Variants in VPS9D1 observed in about 807,000 individuals in gnomAD.
VPS9D1 encodes VPS9 domain-containing protein 1.
VPS9D1 carries 78 observed loss-of-function variants against 75.8 expected under a neutral mutation model. The ratio of observed to expected loss-of-function variants is 1.03; its 90% CI spans 0.86 to 1.24. The LOEUF (loss-of-function observed/expected upper bound fraction) is 1.24, where lower values mean the gene tolerates loss of function less well. Ranked by LOEUF, VPS9D1 falls within the 50% of genes most tolerant of loss-of-function variation. The pLI, the probability that VPS9D1 is intolerant of heterozygous loss-of-function variation, is 0.00. For synonymous variants in VPS9D1, 481 were observed against 385.6 expected, an observed-to-expected ratio of 1.25 and a Z score of -2.90; for missense variants, 1,057 against 847.7, an observed-to-expected ratio of 1.25 and a Z score of -3.07.
intron 8 of VPS9D1, 147 bp downstream of exon 8, chr16:89,711,734 CG>C (rs1268038312): frequency 9.9e-7 from 1 of 1,012,034 alleles, no homozygotes; most frequent in Non-Finnish European, 1.4e-6. Flanking sequence ...GCCCCCTCAC[CG>C]GGCCCTCCCA....
chr16:89,709,230 T>C lies in VPS9D1; in HGVS notation c.1594A>G (p.Ile532Val), dbSNP rs775811107. 11 of 1,611,844 alleles carry C rather than the reference T, an allele frequency of 6.8e-6. No homozygotes were observed. Among genetic ancestry groups the C allele is most frequent in the Middle Eastern group, 1.8e-4 (1 of 5,484 alleles). ...ESCPQKKLECIVRTLRIICVC... is the reference protein window; with the variant it reads ...ESCPQKKLECVVRTLRIICVC... ...CCTGACTCTCGAACCTGCTGACCTA[T>C]GCACTCCAGCTTCTTCTGGGGGCAG... The change falls in exon 12 of 15, where the codon ATA becomes GTA. Residue 532 changes from isoleucine to valine, a missense_variant. Physicochemically the swap from Ile to Val is conservative, Grantham distance 29. Transcript: ENST00000389386.
At chr16:89,720,671 AGCCCGAGCCGGCCCC>A in intron 1 of VPS9D1, 77 bp downstream of exon 1, 7 of 1,261,130 alleles carry the variant, frequency 5.6e-6, no homozygotes, top group Non-Finnish European at 7.0e-6. Context: ...CCAAGTCTCC[AGCCCGAGCCGGCCCC>A]GTCCTCGCCC....
intron 10 of VPS9D1, among the ~76,000 whole-genome samples, chr16:89,710,171 A>G (rs2060882967): frequency 6.6e-6 from 1 of 152,234 alleles, no homozygotes; most frequent in Non-Finnish European, 1.5e-5. Flanking sequence ...CCAAAACTGC[A>G]GGAACCAGGG....
rs895130018 is a variant in VPS9D1, at chr16:89,710,863, G to C, written c.981C>G (p.Pro327=). 6.6e-7 allele frequency: 1 copy of C among 1,513,074 alleles called. No individual in the cohort carries two copies. The highest frequency in any genetic ancestry group is 2.5e-5 in the East Asian group (1 of 40,400). 93.7% of individuals were successfully genotyped at this position (1,513,074 alleles called of 1,614,324 possible). ...TPNPGSRRLR[P]SQSLHCMLSP... is the part of the protein sequence containing the mutation. ...ACAGCATGCAATGGAGGCTCTGCGA[G>C]GGCCGCAGCCGTCGGCTTCCGGGGT... is the stretch of plus-strand genomic sequence containing the variant. Residue 327 remains proline (P), a synonymous_variant, in exon 10 of 15, where the codon CCC becomes CCG. Transcript: ENST00000389386.
chr16:89,717,178 C>A (rs1299610103), intron 2 of VPS9D1, among the ~76,000 whole-genome samples: 1 of 146,346 alleles, frequency 6.8e-6, no homozygotes, highest in Non-Finnish European at 1.5e-5. Context: ...AGGCCCCTGC[C>A]CCCACCATGG....
At position 89,708,945 on chromosome 16, in the gene VPS9D1, G is replaced by A. The variant is rs1043612185; in HGVS notation, c.1609C>T (p.Arg537Trp). The A allele has an allele frequency of 9.4e-6, 15 of 1,601,724 alleles. No individual in the cohort carries two copies. The highest frequency in any genetic ancestry group is 1.3e-5 in the Non-Finnish European group (15 of 1,175,738). Reference protein sequence around the residue: ...KKLECIVRTLRIICVCAEDYC... With the variant: ...KKLECIVRTLWIICVCAEDYC... Reference sequence around the variant, plus strand: ...TCTTCCGCACAGACACAGATGATCCGCAGGGTCCGCACTGCGCCCCAGACA... The same window carrying A: ...TCTTCCGCACAGACACAGATGATCCACAGGGTCCGCACTGCGCCCCAGACA... The change falls in exon 13 of 15, where the codon CGG (arginine) becomes TGG (tryptophan). Residue 537 changes from arginine to tryptophan, a missense_variant. Physicochemically the swap from Arg to Trp is moderately radical, Grantham distance 101. Transcript: ENST00000389386.
intron 11 of VPS9D1, 103 bp from the exon 12 acceptor site, chr16:89,709,538 A>T: frequency 7.4e-7 from 1 of 1,349,250 alleles, no homozygotes; most frequent in Non-Finnish European, 9.8e-7. Flanking sequence ...CTGGCTATGT[A>T]TCTCAAGCAA....
chr16:89,711,563 G>A (rs914207003), intron 8 of VPS9D1, 151 bp from the exon 9 acceptor site: 2 of 313,774 alleles, frequency 6.4e-6, no homozygotes, highest in African/African-American at 1.2e-4. Context: ...ACCCGCCCCC[G>A]CCCCCACCCA....
At chr16:89,717,749 C>T (rs569930751) in intron 2 of VPS9D1, 4 of 456,704 alleles carry the variant, frequency 8.8e-6, no homozygotes, top group East Asian at 6.9e-5. Context: ...CACTCCTCCA[C>T]CCAACTCCTC....
chr16:89,720,092 C>A lies in VPS9D1; in HGVS notation c.99+671G>T, dbSNP rs368771983. Among the ~76,000 whole-genome samples, 3 of 152,190 alleles carry A rather than the reference C, an allele frequency of 2.0e-5. No individual in the cohort carries two copies. In the East Asian group the frequency reaches 5.8e-4, roughly 29 times the overall value. ...TAAGTCTATGCCTCAGAGAGAAAGA[C>A]GAAATATAATCCAGGCAGGATTTCT... On this transcript the variant is annotated intron_variant, in intron 1 of 14. Transcript: ENST00000389386.
In VPS9D1 at chr16:89,709,844, G is replaced by A. The variant is rs747712289; in HGVS notation, c.1321C>T (p.Arg441Cys). ...EGLNTAASKD[R>C]CLACIEEPFF... ...GGTTCCTCAATGCAGGCCAGGCAGC[G>A]GTCCTTGGAGGCAGCTGTGTTTAGG... The change falls in exon 11 of 15, where the codon CGC (arginine) becomes TGC (cysteine). Residue 441 changes from arginine to cysteine, a missense_variant. Physicochemically the swap from Arg to Cys is radical, Grantham distance 180. Transcript: ENST00000389386. The A allele has an allele frequency of 5.3e-5, 86 of 1,613,750 alleles. 1 individual carries two copies. The highest frequency in any genetic ancestry group is 1.7e-4 in the Middle Eastern group (1 of 6,060).
chr16:89,709,054 G>T, intron 12 of VPS9D1, 98 bp from the exon 13 acceptor site: 1 of 1,137,492 alleles, frequency 8.8e-7, no homozygotes, highest in Non-Finnish European at 1.2e-6. Context: ...GATGTGCACG[G>T]CTGGGAAGAG....
Position 89,709,231 on chromosome 16 carries a change from G to A in VPS9D1, c.1593C>T (p.Cys531=), listed in dbSNP as rs747434034. The A allele has an allele frequency of 6.2e-6, 10 of 1,611,878 alleles. No individual in the cohort carries two copies. The African/African-American group carries it at 1.1e-4, about 17-fold the overall frequency. The change falls in exon 12 of 15, where the codon TGC becomes TGT. Residue 531 remains cysteine, a synonymous_variant. Coordinates refer to ENST00000389386, the MANE Select transcript of VPS9D1 (RefSeq NM_004913.3). ...LESCPQKKLE[C]IVRTLRIICV... The stretch of plus-strand genomic sequence containing the variant: ...CTGACTCTCGAACCTGCTGACCTAT[G>A]CACTCCAGCTTCTTCTGGGGGCAGC...
intron 6 of VPS9D1, 48 bp downstream of exon 6, chr16:89,712,412 C>A: frequency 6.2e-7 from 1 of 1,609,052 alleles, no homozygotes; most frequent in Non-Finnish European, 8.5e-7. Flanking sequence ...GGCTCAAGGC[C>A]ACACTGAGTT....
At chr16:89,720,543 G>A in intron 1 of VPS9D1, 1 of 1,172,988 alleles carries the variant, frequency 8.5e-7, no homozygotes, top group Non-Finnish European at 1.1e-6. Flanking sequence ...TCAGCGAGCG[G>A]AGTGGAAAGC....
intron 6 of VPS9D1, 104 bp downstream of exon 6, chr16:89,712,356 C>G: frequency 3.9e-6 from 6 of 1,535,370 alleles, no homozygotes; most frequent in Non-Finnish European, 5.3e-6. Flanking sequence ...CCCTGTACCC[C>G]GACCCCGGAA....
chr16:89,719,190 A>C (rs765841383), intron 1 of VPS9D1, 88 bp from the exon 2 acceptor site: 71 of 1,197,210 alleles, frequency 5.9e-5, no homozygotes, highest in Non-Finnish European at 7.7e-5. Flanking sequence ...TGGGATAAGC[A>C]AGGAACACCA....
At chr16:89,720,385 T>G (rs200708331) in intron 1 of VPS9D1, 4 of 994,424 alleles carry the variant, frequency 4.0e-6, no homozygotes, top group Non-Finnish European at 3.6e-6. Context: ...TGCCGTCCCC[T>G]GTGGCAACCG....
chr16:89,709,947 C>A, intron 10 of VPS9D1, 41 bp from the exon 11 acceptor site: 1 of 1,560,730 alleles, frequency 6.4e-7, no homozygotes, highest in Non-Finnish European at 8.7e-7. Context: ...GAGGCTCCTC[C>A]CCTGCTGGGT....
Sources: gnomAD v4.1 joint callset for allele counts (sites outside exome capture counted in the v4.1 genomes callset) on GRCh38, gnomAD v4.1.1 for gene constraint, MANE v1.5 for transcripts, NCBI Gene and HGNC (gene_info 2026-07-23, HGNC 2026-07-21) for gene names.